The following PCDH15 variants were observed in gnomAD, a reference collection of about 807,000 sequenced individuals.
PCDH15 encodes protocadherin-15.
Under a neutral mutation model 178.5 loss-of-function variants are expected in PCDH15, and 129 were observed. That is an observed-to-expected ratio of 0.72 (90% CI 0.63 to 0.84). The LOEUF (loss-of-function observed/expected upper bound fraction) is 0.84, where lower values mean the gene tolerates loss of function less well. PCDH15 is among the 40% of genes least tolerant of loss of function. The pLI, the probability that PCDH15 is intolerant of heterozygous loss-of-function variation, is 0.00. For missense variants in PCDH15, 2,230 were observed against 2,099.9 expected (o/e 1.06, Z -1.21); for synonymous variants, 800 against 732.0 (o/e 1.09, Z -1.50).
intron 2 of PCDH15, among the ~76,000 whole-genome samples, chr10:55,479,648 A>G (rs1006814981): frequency 1.5e-4 from 23 of 151,698 alleles, no homozygotes; most frequent in African/African-American, 5.6e-4. Flanking sequence ...TCAACATAGT[A>G]CTAGATGTCA....
At chr10:55,561,851 T>C (rs1343342265) in intron 2 of PCDH15, among the ~76,000 whole-genome samples, 1 of 151,900 alleles carries the variant, frequency 6.6e-6, no homozygotes, top group Non-Finnish European at 1.5e-5. Context: ...GAACCCAATA[T>C]TATTAACAGT....
At chr10:55,273,319 C>A (rs1008643891) in intron 1 of PCDH15, among the ~76,000 whole-genome samples, 1 of 152,072 alleles carries the variant, frequency 6.6e-6, no homozygotes, top group Non-Finnish European at 1.5e-5. Flanking sequence ...TCTTACTATG[C>A]CTGCTCTAAA....
At chr10:55,539,581 C>G (rs1389134040) in intron 2 of PCDH15, among the ~76,000 whole-genome samples, 2 of 152,030 alleles carry the variant, frequency 1.3e-5, no homozygotes, top group Admixed American at 6.6e-5. Flanking sequence ...ATACTATGTG[C>G]AAATTAATGT....
intron 18 of PCDH15, among the ~76,000 whole-genome samples, chr10:54,051,262 G>T (rs2610886): frequency 0.21 from 31,648 of 152,122 alleles, 3,480 homozygotes; most frequent in Non-Finnish European, 0.23. Context: ...GGCTGGAACA[G>T]TTTGGGGGGC....
At chr10:53,953,501 C>T (rs2087295902) in intron 23 of PCDH15, among the ~76,000 whole-genome samples, 2 of 151,976 alleles carry the variant, frequency 1.3e-5, no homozygotes, top group South Asian at 4.1e-4. Flanking sequence ...TATGTGATTA[C>T]TCCTACCCTT....
Position 55,239,118 on chromosome 10 carries a change from C to T in PCDH15, c.-155-72467G>A, listed in dbSNP as rs1899910. Among the ~76,000 whole-genome samples the T allele has an allele frequency of 2.3e-3, 354 of 152,120 alleles. 2 individuals carry two copies. The highest frequency in any genetic ancestry group is 8.1e-3 in the African/African-American group (338 of 41,516). ...ATGAGTAAGAATATGTGAAATTTGTCTTTCGGCTTGTGCTTGGCTTATTTC... is the reference window on the plus strand; with the variant it reads ...ATGAGTAAGAATATGTGAAATTTGTTTTTCGGCTTGTGCTTGGCTTATTTC... On this transcript the variant is annotated intron_variant, in intron 1 of 5. Coordinates refer to the PCDH15 transcript ENST00000458638.
intron 1 of PCDH15, among the ~76,000 whole-genome samples, chr10:55,202,169 G>C (rs1840269731): frequency 6.6e-6 from 1 of 152,092 alleles, no homozygotes; most frequent in Non-Finnish European, 1.5e-5. Flanking sequence ...TGAAAGCCAT[G>C]ATTACCAGGG....
At chr10:53,832,524 G>C (rs561666865) in intron 29 of PCDH15, among the ~76,000 whole-genome samples, 2 of 151,936 alleles carry the variant, frequency 1.3e-5, no homozygotes, top group East Asian at 3.9e-4. Flanking sequence ...ATAGTCCCAT[G>C]ATCTACAGAC....
chr10:54,334,932 G>A (rs1940750279), intron 6 of PCDH15, among the ~76,000 whole-genome samples: 3 of 151,742 alleles, frequency 2.0e-5, no homozygotes, highest in Admixed American at 2.0e-4. Flanking sequence ...TCCCCCATTT[G>A]TTCACATTGA....
At chr10:55,204,372 G>A (rs1267855250) in intron 1 of PCDH15, among the ~76,000 whole-genome samples, 12 of 150,734 alleles carry the variant, frequency 8.0e-5, no homozygotes, top group Admixed American at 6.0e-4. Context: ...ACATATGTAC[G>A]TGTATATATA....
chr10:54,452,620 T>C (rs1485469227), intron 3 of PCDH15: 1 of 152,082 alleles, frequency 6.6e-6, no homozygotes, highest in Non-Finnish European at 1.5e-5. Flanking sequence ...TCCTATTCTT[T>C]CTTTTTACTT....
chr10:54,585,269 T>C (rs569999688), intron 2 of PCDH15, among the ~76,000 whole-genome samples: 1 of 152,254 alleles, frequency 6.6e-6, no homozygotes, highest in Admixed American at 6.6e-5. Flanking sequence ...TTCCAGTTTC[T>C]GATTTGGTAC....
At chr10:55,034,002 G>A (rs1840675902) in intron 2 of PCDH15, among the ~76,000 whole-genome samples, 1 of 151,616 alleles carries the variant, frequency 6.6e-6, no homozygotes. Context: ...CCTCCTCCTA[G>A]TGGATGTGGC....
chr10:55,318,538 C>T (rs977355510), intron 1 of PCDH15, among the ~76,000 whole-genome samples: 7 of 152,066 alleles, frequency 4.6e-5, no homozygotes, highest in Admixed American at 6.5e-5. Context: ...GAGGAAAAAA[C>T]GTGGTCTGGG....
At chr10:54,253,691 T>A (rs1262039110) in intron 8 of PCDH15, among the ~76,000 whole-genome samples, 3 of 152,108 alleles carry the variant, frequency 2.0e-5, no homozygotes, top group Non-Finnish European at 4.4e-5. Flanking sequence ...TTTAGTAATA[T>A]TAAAATAATT....
intron 2 of PCDH15, among the ~76,000 whole-genome samples, chr10:54,635,039 C>T (rs2093810790): frequency 6.6e-6 from 1 of 151,522 alleles, no homozygotes; most frequent in South Asian, 2.1e-4. Flanking sequence ...TGTCTTACAG[C>T]CAGATTTAAT....
intron 2 of PCDH15, among the ~76,000 whole-genome samples, chr10:55,079,059 A>G (rs538547553): frequency 6.6e-6 from 1 of 152,120 alleles, no homozygotes; most frequent in African/African-American, 2.4e-5. Context: ...GAGCTTCTTT[A>G]AAATCAATAT....
intron 2 of PCDH15, among the ~76,000 whole-genome samples, chr10:54,586,479 C>A (rs1468852217): frequency 1.3e-5 from 2 of 152,104 alleles, no homozygotes; most frequent in African/African-American, 4.8e-5. Context: ...ATATGTGTCA[C>A]CTTACTTAAT....
intron 2 of PCDH15, among the ~76,000 whole-genome samples, chr10:55,620,248 A>G (rs1023942793): frequency 6.6e-6 from 1 of 152,106 alleles, no homozygotes; most frequent in Non-Finnish European, 1.5e-5. Flanking sequence ...AACACATGAC[A>G]TATTTCACAA....
Sources: gnomAD v4.1 joint callset for allele counts (sites outside exome capture counted in the v4.1 genomes callset) on GRCh38, gnomAD v4.1.1 for gene constraint, MANE v1.5 for transcripts, NCBI Gene and HGNC (gene_info 2026-07-23, HGNC 2026-07-21) for gene names.